Variants in TMEM161B observed in about 807,000 individuals in gnomAD.
The protein encoded by TMEM161B is transmembrane protein 161B.
TMEM161B carries 34 observed loss-of-function variants against 61.8 expected under a neutral mutation model. The observed-to-expected ratio is 0.55, with a 90% CI of 0.42 to 0.73. TMEM161B has a LOEUF of 0.73. TMEM161B is among the 30% of genes least tolerant of loss of function. The pLI is 0.00. For synonymous variants in TMEM161B, 167 were observed against 192.8 expected (o/e 0.87, Z 1.11); for missense variants, 456 against 558.5 (o/e 0.82, Z 1.85).
intron 9 of TMEM161B, chr5:88,202,486 TTA>T (rs1744609709): frequency 5.3e-6 from 1 of 187,786 alleles, no homozygotes. Context: ...GATAAAACTG[TTA>T]TGTCTCTAAT....
At chr5:88,254,451 T>C (rs1193651580) in intron 1 of TMEM161B, among the ~76,000 whole-genome samples, 3 of 152,074 alleles carry the variant, frequency 2.0e-5, no homozygotes, top group African/African-American at 7.2e-5. Context: ...TTTGTGAAAA[T>C]TTTGACAAAA....
chr5:88,193,182 G>A (rs1451051029), downstream of TMEM161B, among the ~76,000 whole-genome samples: 9 of 152,114 alleles, frequency 5.9e-5, no homozygotes, highest in Admixed American at 5.9e-4. Context: ...AATGGGGGTA[G>A]GAGGAAGAAT....
At chr5:88,255,037 AATGTC>A (rs1411522955) in intron 1 of TMEM161B, among the ~76,000 whole-genome samples, 2 of 152,144 alleles carry the variant, frequency 1.3e-5, no homozygotes, top group Non-Finnish European at 2.9e-5. Flanking sequence ...GGAGGAAAAA[AATGTC>A]ATGTCATAAG....
At chr5:88,205,238 A>T (rs887339196) in intron 8 of TMEM161B, among the ~76,000 whole-genome samples, 8 of 152,300 alleles carry the variant, frequency 5.3e-5, no homozygotes, top group African/African-American at 1.9e-4. Flanking sequence ...TAACTTCAGA[A>T]CTAAAATAGA....
chr5:88,216,237 C>T (rs1352491856), intron 5 of TMEM161B, among the ~76,000 whole-genome samples: 1 of 152,042 alleles, frequency 6.6e-6, no homozygotes, highest in Non-Finnish European at 1.5e-5. Context: ...CAGAGTGAGA[C>T]CTTGTCTCTG....
At position 88,202,320 on chromosome 5, in the gene TMEM161B, TA is replaced by T. The variant is rs1744567056; in HGVS notation, c.914+641del. On this transcript the variant is annotated intron_variant, in intron 9 of 11. Transcript: ENST00000296595. ...TTGTTTCCTCACCATCTTCTTCTGC[TA>T]AAATACAGTTGCCTAACTGTAGAAA... is the stretch of plus-strand genomic sequence containing the variant. 2.1e-4 allele frequency: 55 copies of T among 260,000 alleles called. 1 individual carries two copies. The South Asian group carries it at 2.5e-3, about 12-fold the overall frequency. The allele number at this position is 260,000 out of a possible 1,614,324, so 16.1% of individuals were successfully genotyped here.
intron 4 of TMEM161B, among the ~76,000 whole-genome samples, chr5:88,224,957 A>ATTTT (rs1749714087): frequency 7.8e-6 from 1 of 128,836 alleles, no homozygotes; most frequent in Admixed American, 8.4e-5. Flanking sequence ...CACACAAAAT[A>ATTTT]TGTTTTTGTT....
In TMEM161B at chr5:88,221,093, A is replaced by T. The variant is rs528167341; in HGVS notation, c.290-374T>A. On this transcript the variant is annotated intron_variant, in intron 4 of 11. Transcript: ENST00000296595. The stretch of plus-strand genomic sequence containing the variant: ...TCTAGCTATGATACCTTAACTTCAG[A>T]AAACAACTTAGTCTGGAACACAACA... Among the ~76,000 whole-genome samples the T allele has an allele frequency of 1.4e-3, 217 of 152,318 alleles. 8 individuals carry two copies. In the South Asian group the frequency reaches 0.042, roughly 30 times the overall value.
chr5:88,253,388 A>G (rs1186252886), intron 1 of TMEM161B, among the ~76,000 whole-genome samples: 3 of 152,166 alleles, frequency 2.0e-5, no homozygotes. Flanking sequence ...GATTAAATAT[A>G]CAAGGGAAGT....
At chr5:88,255,468 C>A (rs1320281527) in intron 1 of TMEM161B, among the ~76,000 whole-genome samples, 2 of 152,170 alleles carry the variant, frequency 1.3e-5, no homozygotes, top group Non-Finnish European at 2.9e-5. Flanking sequence ...AGAATAAGAA[C>A]ACCTATTGAT....
intron 5 of TMEM161B, among the ~76,000 whole-genome samples, chr5:88,217,958 C>T (rs357513): frequency 0.71 from 105,822 of 149,924 alleles, 37,405 homozygotes; most frequent in South Asian, 0.77. Flanking sequence ...TAAATAGACA[C>T]GGGAAGATAA....
chr5:88,231,741 G>A (rs979554183), intron 2 of TMEM161B, among the ~76,000 whole-genome samples: 1 of 152,056 alleles, frequency 6.6e-6, no homozygotes, highest in Non-Finnish European at 1.5e-5. Context: ...CGTTATTCGC[G>A]GTAGTTAGGT....
chr5:88,204,555 A>C (rs1042824740), intron 8 of TMEM161B, among the ~76,000 whole-genome samples: 1 of 152,138 alleles, frequency 6.6e-6, no homozygotes, highest in African/African-American at 2.4e-5. Context: ...AGCAGCCCAC[A>C]GCGGTTTCAG....
intron 1 of TMEM161B, among the ~76,000 whole-genome samples, chr5:88,255,739 G>T (rs1436271832): frequency 6.6e-6 from 1 of 151,782 alleles, no homozygotes; most frequent in Non-Finnish European, 1.5e-5. Context: ...TAATTTTTTT[G>T]CCATTTTCTA....
At chr5:88,201,089 G>C (rs184474181) in intron 9 of TMEM161B, 1 of 151,624 alleles carries the variant, frequency 6.6e-6, no homozygotes, top group Non-Finnish European at 1.5e-5. Flanking sequence ...ACTTAACCAC[G>C]AATTCAAATT....
intron 1 of TMEM161B, among the ~76,000 whole-genome samples, chr5:88,265,531 C>G (rs1321624829): frequency 3.0e-4 from 46 of 152,136 alleles, no homozygotes; most frequent in Non-Finnish European, 1.0e-4. Flanking sequence ...ACTCACTTGC[C>G]CACCACTCAC....
chr5:88,236,369 C>T (rs926292919), intron 2 of TMEM161B, among the ~76,000 whole-genome samples: 3 of 152,104 alleles, frequency 2.0e-5, no homozygotes, highest in African/African-American at 7.2e-5. Flanking sequence ...CAGTATCCTA[C>T]TCCTCATGCA....
At chr5:88,247,209 C>A (rs1753730839) in intron 1 of TMEM161B, among the ~76,000 whole-genome samples, 1 of 151,996 alleles carries the variant, frequency 6.6e-6, no homozygotes, top group African/African-American at 2.4e-5. Context: ...AAAAATTAAA[C>A]AATTCTCCAA....
At chr5:88,202,864 C>T in intron 9 of TMEM161B, 98 bp downstream of exon 9, 1 of 818,190 alleles carries the variant, frequency 1.2e-6, no homozygotes, top group Non-Finnish European at 2.1e-6. Context: ...CTGAAAAATA[C>T]AGTGTCCTGA....
Sources: allele counts gnomAD v4.1 joint callset (sites outside exome capture counted in the v4.1 genomes callset), GRCh38; gene constraint gnomAD v4.1.1; transcripts MANE v1.5; gene names NCBI Gene and HGNC (gene_info 2026-07-23, HGNC 2026-07-21).